The following RNF175 variants were observed in gnomAD, a reference collection of about 807,000 sequenced individuals.
The protein encoded by RNF175 is ring finger protein 175.
Under a neutral mutation model 50.0 loss-of-function variants are expected in RNF175, and 38 were observed. The ratio of observed to expected loss-of-function variants is 0.76; its 90% CI spans 0.59 to 1.00. The LOEUF is 1.00. Among genes scored for constraint, RNF175 ranks in the 50% least tolerant of loss-of-function variants. The pLI, the probability that RNF175 is intolerant of heterozygous loss-of-function variation, is 0.00. For synonymous variants in RNF175, 155 were observed against 146.1 expected, an observed-to-expected ratio of 1.06 and a Z score of -0.44; for missense variants, 388 against 409.6, an observed-to-expected ratio of 0.95 and a Z score of 0.46.
chr4:153,720,395 G>T, intron 5 of RNF175, 91 bp from the exon 6 acceptor site: 1 of 1,034,844 alleles, frequency 9.7e-7, no homozygotes, highest in South Asian at 1.5e-5. Flanking sequence ...TGGTATCTAA[G>T]AGAACCTTGT....
At position 153,748,797 on chromosome 4, in the gene RNF175, C is replaced by T. The variant is rs201541496; in HGVS notation, c.105-11G>A. ...CTCTCCTGCTGCAGGCTGGAACCAG[C>T]AAAATGAGGTCATCTGAAAAAGCCC... On this transcript the variant is annotated splice_polypyrimidine_tract_variant and intron_variant, in intron 2 of 8. Transcript: ENST00000347063. 5.1e-5 allele frequency: 82 copies of T among 1,603,364 alleles called. No individual in the cohort carries two copies. Among genetic ancestry groups the T allele is most frequent in the Middle Eastern group, 1.7e-4 (1 of 6,016 alleles).
At chr4:153,729,892 A>G in intron 3 of RNF175, 1 of 330,134 alleles carries the variant, frequency 3.0e-6, no homozygotes, top group Non-Finnish European at 3.4e-6. Flanking sequence ...TCAGGGAAAA[A>G]AATCCACTAA....
At chr4:153,750,983 G>A (rs910787878) in intron 2 of RNF175, among the ~76,000 whole-genome samples, 1 of 152,102 alleles carries the variant, frequency 6.6e-6, no homozygotes, top group Non-Finnish European at 1.5e-5. Context: ...ATATATTGGT[G>A]TACAAATGTA....
At chr4:153,751,294 G>A (rs568571137) in intron 2 of RNF175, 144 bp downstream of exon 2, 411 of 646,104 alleles carry the variant, frequency 6.4e-4, no homozygotes, top group Non-Finnish European at 8.5e-4. Flanking sequence ...ATGCATTTTG[G>A]TCTGTAGTAT....
chr4:153,749,215 AT>A (rs1436621178), intron 2 of RNF175, among the ~76,000 whole-genome samples: 1 of 152,204 alleles, frequency 6.6e-6, no homozygotes, highest in African/African-American at 2.4e-5. Flanking sequence ...TCATTTGCAA[AT>A]TTCAAATAAC....
At chr4:153,749,937 T>C (rs1740199122) in intron 2 of RNF175, among the ~76,000 whole-genome samples, 8 of 152,204 alleles carry the variant, frequency 5.3e-5, no homozygotes, top group Admixed American at 5.2e-4. Flanking sequence ...TATTCTGTGG[T>C]ATTTTGTTAT....
intron 6 of RNF175, among the ~76,000 whole-genome samples, chr4:153,719,119 C>T (rs769535248): frequency 3.9e-5 from 6 of 152,084 alleles, no homozygotes; most frequent in Admixed American, 6.6e-5. Flanking sequence ...CTCCCGCTCC[C>T]GATAGGCCCC....
At position 153,759,849 on chromosome 4, in the gene RNF175, G is replaced by T. The variant is rs989776891; in HGVS notation, c.14C>A (p.Thr5Lys). The T allele has an allele frequency of 1.4e-6, 2 of 1,458,896 alleles. No homozygotes were observed. Among genetic ancestry groups the T allele is most frequent in the Non-Finnish European group, 1.8e-6 (2 of 1,112,930 alleles). 90.4% of individuals were successfully genotyped at this position (1,458,896 alleles called of 1,614,324 possible). A position where few individuals can be genotyped will look rare whatever the true frequency, so the allele number is the denominator to read the frequency against. ...CACCGGCGCTGCCTTCCGCGCCGCC[G>T]TCCCCGCGGCCATGCCTGAGCCACT... MAAG[T>K]AARKAAPVLE... The change falls in exon 1 of 9, where the codon ACG (threonine) becomes AAG (lysine). Residue 5 changes from threonine (T) to lysine (K), a missense_variant. Thr to Lys is a moderately conservative substitution (Grantham distance 78). Transcript: ENST00000347063.
chr4:153,733,363 C>T (rs1446784542), intron 3 of RNF175, among the ~76,000 whole-genome samples: 1 of 152,120 alleles, frequency 6.6e-6, no homozygotes, highest in Non-Finnish European at 1.5e-5. Context: ...AGTGCACTTC[C>T]TACTTTTTTT....
intron 1 of RNF175, among the ~76,000 whole-genome samples, chr4:153,753,172 G>A (rs949255360): frequency 7.2e-5 from 11 of 152,314 alleles, no homozygotes; most frequent in Non-Finnish European, 1.3e-4. Context: ...ACCAGCATGC[G>A]GGCAGTGCAG....
chr4:153,748,846 AAAAC>A (rs752327528), intron 2 of RNF175, 60 bp from the exon 3 acceptor site: 36 of 1,433,134 alleles, frequency 2.5e-5, no homozygotes, highest in South Asian at 6.9e-5. Context: ...TTTAGCAAAA[AAAAC>A]AAAAAACAAA....
At chr4:153,720,337 T>G in intron 5 of RNF175, 33 bp from the exon 6 acceptor site, 1 of 1,597,410 alleles carries the variant, frequency 6.3e-7, no homozygotes, top group East Asian at 2.2e-5. Context: ...GAAATAAGAA[T>G]GTGGCATATT....
At chr4:153,734,960 G>A (rs191537165) in intron 3 of RNF175, among the ~76,000 whole-genome samples, 1 of 152,088 alleles carries the variant, frequency 6.6e-6, no homozygotes, top group Non-Finnish European at 1.5e-5. Context: ...ACAGGCTTGA[G>A]CCACCATGCC....
intron 7 of RNF175, 92 bp downstream of exon 7, chr4:153,715,437 A>G (rs1253250717): frequency 1.2e-5 from 15 of 1,274,396 alleles, no homozygotes; most frequent in Admixed American, 2.0e-5. Context: ...AAGGTAAGCA[A>G]GATGGAGGAG....
chr4:153,738,332 T>C (rs1037155780), intron 3 of RNF175, among the ~76,000 whole-genome samples: 14 of 151,554 alleles, frequency 9.2e-5, no homozygotes, highest in Non-Finnish European at 2.1e-4. Context: ...TACAGGTGCC[T>C]GCCGCTACAT....
intron 3 of RNF175, among the ~76,000 whole-genome samples, chr4:153,731,199 ATTCT>A: frequency 6.6e-6 from 1 of 152,230 alleles, no homozygotes. Flanking sequence ...AATTTAAAAG[ATTCT>A]TTATCAATTT....
chr4:153,726,744 C>T (rs767207288), intron 4 of RNF175, among the ~76,000 whole-genome samples: 2 of 152,196 alleles, frequency 1.3e-5, no homozygotes, highest in African/African-American at 2.4e-5. Context: ...GGAGCTCCAT[C>T]CTGACTGCTC....
chr4:153,720,564 C>T, intron 5 of RNF175: 1 of 361,536 alleles, frequency 2.8e-6, no homozygotes, highest in East Asian at 5.9e-5. Context: ...AGTGCCTAGA[C>T]AAGCTGACTC....
At chr4:153,723,777 G>A (rs3747522) in intron 4 of RNF175, among the ~76,000 whole-genome samples, 44,398 of 151,898 alleles carry the variant, frequency 0.29, 7,100 homozygotes, top group East Asian at 0.75. Flanking sequence ...TCCCCACAGC[G>A]CCCCCTTCTC....
Sources: gnomAD v4.1 joint callset for allele counts (sites outside exome capture counted in the v4.1 genomes callset) on GRCh38, gnomAD v4.1.1 for gene constraint, MANE v1.5 for transcripts, NCBI Gene and HGNC (gene_info 2026-07-23, HGNC 2026-07-21) for gene names.